Variants in ZNF385D observed in about 807,000 individuals in gnomAD.
ZNF385D encodes zinc finger protein 385D.
ZNF385D carries 15 observed loss-of-function variants against 35.8 expected under a neutral mutation model. That is an observed-to-expected ratio of 0.42 (90% confidence interval 0.28 to 0.64). The LOEUF (loss-of-function observed/expected upper bound fraction) is 0.64. Among genes scored for constraint, ZNF385D ranks in the 30% least tolerant of loss-of-function variants. ZNF385D has a pLI of 0.23. For synonymous variants in ZNF385D, 212 were observed against 186.8 expected (o/e 1.13, Z -1.10); for missense variants, 474 against 494.6 (o/e 0.96, Z 0.39).
intron 3 of ZNF385D, among the ~76,000 whole-genome samples, chr3:21,891,482 T>G (rs1698862731): frequency 6.6e-6 from 1 of 152,194 alleles, no homozygotes; most frequent in African/African-American, 2.4e-5. Context: ...GTCACACACC[T>G]CATTATATGG....
At chr3:22,337,120 T>C (rs1450482611) in intron 2 of ZNF385D, among the ~76,000 whole-genome samples, 1 of 152,050 alleles carries the variant, frequency 6.6e-6, no homozygotes, top group African/African-American at 2.4e-5. Flanking sequence ...TCAATGATGT[T>C]TTATGAATTA....
At chr3:22,336,959 G>A (rs960106821) in intron 2 of ZNF385D, among the ~76,000 whole-genome samples, 1 of 116,494 alleles carries the variant, frequency 8.6e-6, no homozygotes. Context: ...AGTGAGGAGA[G>A]AATATTTTAT....
intron 1 of ZNF385D, among the ~76,000 whole-genome samples, chr3:21,738,200 T>C (rs13325246): frequency 0.028 from 4,232 of 152,270 alleles, 203 homozygotes; most frequent in African/African-American, 0.096. Context: ...TGCTGCTCTA[T>C]TGGAATGGTG....
intron 1 of ZNF385D, among the ~76,000 whole-genome samples, chr3:21,688,967 T>G (rs2067195291): frequency 1.3e-5 from 2 of 152,026 alleles, no homozygotes; most frequent in South Asian, 4.1e-4. Flanking sequence ...TGCCGTCTAG[T>G]TAAATACATA....
At chr3:22,034,145 T>G (rs977168975) in intron 3 of ZNF385D, among the ~76,000 whole-genome samples, 10 of 152,178 alleles carry the variant, frequency 6.6e-5, no homozygotes, top group Non-Finnish European at 1.2e-4. Context: ...CCTTGAAACT[T>G]TATTCCCCAA....
At chr3:22,253,665 T>C (rs1002471747) in intron 2 of ZNF385D, among the ~76,000 whole-genome samples, 1 of 151,980 alleles carries the variant, frequency 6.6e-6, no homozygotes, top group Non-Finnish European at 1.5e-5. Flanking sequence ...CCACAAATGA[T>C]GTTATTCTGG....
At chr3:21,932,194 A>AG (rs1701048274) in intron 3 of ZNF385D, among the ~76,000 whole-genome samples, 1 of 140,808 alleles carries the variant, frequency 7.1e-6, no homozygotes, top group Non-Finnish European at 1.5e-5. Context: ...AAAAAAAAAA[A>AG]GTGTGACTTG....
intron 3 of ZNF385D, among the ~76,000 whole-genome samples, chr3:21,950,418 C>T (rs1410769715): frequency 1.3e-5 from 2 of 151,564 alleles, no homozygotes; most frequent in East Asian, 1.9e-4. Context: ...TTCTTGTAAA[C>T]TTGCTTAAGT....
chr3:21,478,628 A>G (rs1057028781), intron 4 of ZNF385D, among the ~76,000 whole-genome samples: 5 of 152,208 alleles, frequency 3.3e-5, no homozygotes, highest in Admixed American at 6.5e-5. Flanking sequence ...TTTTCTAGTC[A>G]AAATCCTCAC....
intron 4 of ZNF385D, among the ~76,000 whole-genome samples, chr3:21,492,508 C>T (rs966998275): frequency 6.7e-6 from 1 of 150,158 alleles, no homozygotes; most frequent in Non-Finnish European, 1.5e-5. Context: ...AATGGCCGGG[C>T]ATGGTGGCTC....
intron 3 of ZNF385D, among the ~76,000 whole-genome samples, chr3:21,986,686 G>A (rs143990889): frequency 0.04 from 5,314 of 131,252 alleles, 121 homozygotes; most frequent in African/African-American, 0.13. Context: ...TATTAGGTCC[G>A]CTTGGTGCAG....
intron 3 of ZNF385D, among the ~76,000 whole-genome samples, chr3:22,154,084 T>C (rs1473974563): frequency 1.3e-5 from 2 of 152,116 alleles, no homozygotes; most frequent in Non-Finnish European, 2.9e-5. Context: ...TTATGTGAAT[T>C]GGGAGTAAGG....
At chr3:21,672,777 C>T (rs1259428580) in intron 1 of ZNF385D, among the ~76,000 whole-genome samples, 4 of 152,098 alleles carry the variant, frequency 2.6e-5, no homozygotes, top group East Asian at 1.9e-4. Flanking sequence ...TTAAATGCCA[C>T]GACCAAAATC....
At chr3:21,449,939 A>C (rs1351969534) in intron 4 of ZNF385D, among the ~76,000 whole-genome samples, 3 of 152,198 alleles carry the variant, frequency 2.0e-5, no homozygotes, top group Non-Finnish European at 2.9e-5. Context: ...CAAGCGGTCA[A>C]GATCACAGCC....
intron 2 of ZNF385D, among the ~76,000 whole-genome samples, chr3:21,647,362 C>G (rs1380837764): frequency 6.6e-6 from 1 of 151,218 alleles, no homozygotes; most frequent in Non-Finnish European, 1.5e-5. Context: ...CCCTCCCTCC[C>G]CCTCTCCCTT....
intron 2 of ZNF385D, among the ~76,000 whole-genome samples, chr3:22,253,814 A>G (rs1352291880): frequency 4.8e-5 from 7 of 145,914 alleles, no homozygotes; most frequent in African/African-American, 1.2e-4. Context: ...AAACATTGCT[A>G]TAACAAGAGA....
At chr3:21,844,284 A>G (rs1387478215) in intron 3 of ZNF385D, among the ~76,000 whole-genome samples, 1 of 151,962 alleles carries the variant, frequency 6.6e-6, no homozygotes, top group Non-Finnish European at 1.5e-5. Flanking sequence ...TCAAAATACA[A>G]TATCATAAGA....
intron 2 of ZNF385D, among the ~76,000 whole-genome samples, chr3:22,178,915 G>A (rs1355978809): frequency 1.3e-5 from 2 of 152,112 alleles, no homozygotes; most frequent in Non-Finnish European, 2.9e-5. Context: ...CATTATTTCT[G>A]AGGGCTCTGT....
chr3:21,609,956 G>A (rs1259330881), intron 2 of ZNF385D, among the ~76,000 whole-genome samples: 1 of 152,156 alleles, frequency 6.6e-6, no homozygotes, highest in African/African-American at 2.4e-5. Flanking sequence ...ACTGTTTCCA[G>A]TTGCGCAGGC....
Sources: allele counts gnomAD v4.1 joint callset (sites outside exome capture counted in the v4.1 genomes callset), GRCh38; gene constraint gnomAD v4.1.1; transcripts MANE v1.5; gene names NCBI Gene and HGNC (gene_info 2026-07-23, HGNC 2026-07-21).